Variants in MAP6 observed in about 807,000 individuals in gnomAD.
MAP6 encodes microtubule associated protein 6.
Under a neutral mutation model 42.4 loss-of-function variants are expected in MAP6, and 26 were observed. The observed-to-expected ratio is 0.61, with a 90% CI of 0.45 to 0.85. The LOEUF (loss-of-function observed/expected upper bound fraction) is 0.85. MAP6 is among the 40% of genes least tolerant of loss of function. The probability of loss-of-function intolerance (pLI) is 0.00; values close to 1 mark genes in which losing one functional copy is unlikely to be tolerated. For synonymous variants in MAP6, 418 were observed against 443.8 expected (o/e 0.94, Z 0.73); for missense variants, 966 against 1,099.0 (o/e 0.88, Z 1.71).
intron 3 of MAP6, chr11:75,603,246 A>G: frequency 4.1e-6 from 4 of 985,586 alleles, no homozygotes; most frequent in Non-Finnish European, 4.8e-6. Flanking sequence ...TCGCCAGGGA[A>G]GGACGGAGAA....
intron 1 of MAP6, among the ~76,000 whole-genome samples, chr11:75,616,994 C>T (rs1943006173): frequency 6.6e-6 from 1 of 152,174 alleles, no homozygotes; most frequent in Non-Finnish European, 1.5e-5. Flanking sequence ...CTCCCTCTCT[C>T]TTACATAGAA....
intron 3 of MAP6, among the ~76,000 whole-genome samples, chr11:75,593,431 A>G (rs1675804583): frequency 6.6e-6 from 1 of 152,192 alleles, no homozygotes. Flanking sequence ...ACACACTGAC[A>G]TTGGATCCAT....
At chr11:75,658,303 T>C (rs939496926) in intron 1 of MAP6, among the ~76,000 whole-genome samples, 35 of 152,168 alleles carry the variant, frequency 2.3e-4, no homozygotes, top group Non-Finnish European at 4.7e-4. Flanking sequence ...ATTTTCATTC[T>C]GTACCGAACA....
intron 1 of MAP6, among the ~76,000 whole-genome samples, chr11:75,645,806 C>A (rs1163599528): frequency 6.6e-6 from 1 of 151,628 alleles, no homozygotes; most frequent in Non-Finnish European, 1.5e-5. Flanking sequence ...AGGTACATAT[C>A]CTATTTGAGA....
intron 1 of MAP6, among the ~76,000 whole-genome samples, chr11:75,659,214 G>A (rs1050340956): frequency 1.3e-5 from 2 of 152,230 alleles, no homozygotes; most frequent in African/African-American, 4.8e-5. Context: ...GAGCGCGGTG[G>A]CTCATGCCTG....
chr11:75,619,039 A>G (rs1461439740), intron 1 of MAP6, among the ~76,000 whole-genome samples: 3 of 152,146 alleles, frequency 2.0e-5, no homozygotes, highest in Admixed American at 1.3e-4. Context: ...CTGCTCTGGA[A>G]AAGTCTTTAA....
intron 1 of MAP6, among the ~76,000 whole-genome samples, chr11:75,608,922 C>T (rs1480340545): frequency 2.6e-5 from 4 of 152,186 alleles, no homozygotes; most frequent in East Asian, 1.9e-4. Context: ...TGAACATCCT[C>T]GTGAAATGTC....
chr11:75,645,809 A>G (rs1943544962), intron 1 of MAP6, among the ~76,000 whole-genome samples: 1 of 152,182 alleles, frequency 6.6e-6, no homozygotes, highest in Admixed American at 6.5e-5. Flanking sequence ...TACATATCCT[A>G]TTTGAGAAAA....
At chr11:75,635,061 C>T (rs17134192) in intron 1 of MAP6, among the ~76,000 whole-genome samples, 4,740 of 152,110 alleles carry the variant, frequency 0.031, 87 homozygotes, top group Non-Finnish European at 0.041. Context: ...GTCGGTGAAC[C>T]GAAAGTTTAA....
chr11:75,648,413 G>A lies in MAP6; in HGVS notation c.905+19052C>T, dbSNP rs557080323. On this transcript the variant is annotated intron_variant, in intron 1 of 3. Coordinates refer to ENST00000304771, the MANE Select transcript of MAP6 (RefSeq NM_033063.2). ...CTCAGGAGGCTGAGGCGGGAGGATT[G>A]CTTGACCCTGGAAGGTCGAAACACA... is the stretch of plus-strand genomic sequence containing the variant. 4.6e-5 allele frequency among the ~76,000 whole-genome samples: 7 copies of A among 152,272 alleles called. No homozygotes were observed. In the South Asian group the frequency reaches 1.2e-3, roughly 27 times the overall value.
At chr11:75,634,539 G>C (rs1278185890) in intron 1 of MAP6, among the ~76,000 whole-genome samples, 2 of 152,226 alleles carry the variant, frequency 1.3e-5, no homozygotes, top group Non-Finnish European at 2.9e-5. Flanking sequence ...AAAGTGCTGA[G>C]ATTACAAGTG....
intron 2 of MAP6, 120 bp downstream of exon 2, chr11:75,607,989 G>T: frequency 1.1e-6 from 1 of 883,036 alleles, no homozygotes; most frequent in Non-Finnish European, 1.8e-6. Context: ...GAGGAAGCAG[G>T]GATTTTAAAG....
intron 1 of MAP6, among the ~76,000 whole-genome samples, chr11:75,658,150 C>A (rs554756613): frequency 6.6e-6 from 1 of 152,268 alleles, no homozygotes; most frequent in African/African-American, 2.4e-5. Flanking sequence ...TATAAGTCTT[C>A]TGCATTCATT....
At chr11:75,588,796 T>C (rs1942420544) in intron 3 of MAP6, among the ~76,000 whole-genome samples, 1 of 152,220 alleles carries the variant, frequency 6.6e-6, no homozygotes, top group Non-Finnish European at 1.5e-5. Context: ...ACTGACATTG[T>C]ATAGAATGAG....
chr11:75,615,535 A>G lies in MAP6; in HGVS notation c.906-7213T>C, dbSNP rs549438185. On this transcript the variant is annotated intron_variant, in intron 1 of 3. Coordinates refer to ENST00000304771, the MANE Select transcript of MAP6 (RefSeq NM_033063.2). ...ATGCAGTATGTACAGAGAGATGAAG[A>G]TCTTCCCTCCACAGACCTTGTTGTC... Among the ~76,000 whole-genome samples the G allele has an allele frequency of 3.2e-4, 49 of 152,126 alleles. 1 individual carries two copies. The South Asian group carries it at 0.01, about 32-fold the overall frequency.
chr11:75,611,995 G>A (rs61895121), intron 1 of MAP6, among the ~76,000 whole-genome samples: 4,918 of 152,346 alleles, frequency 0.032, 89 homozygotes, highest in Non-Finnish European at 0.042. Flanking sequence ...CAGTGTGCTC[G>A]GCCTGCCCTC....
At chr11:75,600,559 G>A (rs1942648383) in intron 3 of MAP6, among the ~76,000 whole-genome samples, 1 of 152,170 alleles carries the variant, frequency 6.6e-6, no homozygotes, top group South Asian at 2.1e-4. Flanking sequence ...TGAAACAGCT[G>A]TCTTTCCTGT....
intron 1 of MAP6, among the ~76,000 whole-genome samples, chr11:75,621,848 C>G (rs1300173075): frequency 6.6e-6 from 1 of 152,066 alleles, no homozygotes. Context: ...CACGGGGAAA[C>G]CTCGTCTCTA....
intron 3 of MAP6, among the ~76,000 whole-genome samples, chr11:75,597,927 C>T (rs560279917): frequency 1.1e-4 from 16 of 152,306 alleles, no homozygotes; most frequent in Non-Finnish European, 1.5e-4. Flanking sequence ...CAGTAATTAA[C>T]TGGGAAGCTG....
Sources: allele counts gnomAD v4.1 joint callset (sites outside exome capture counted in the v4.1 genomes callset), GRCh38; gene constraint gnomAD v4.1.1; transcripts MANE v1.5; gene names NCBI Gene and HGNC (gene_info 2026-07-23, HGNC 2026-07-21).